The following COL4A6 variants were observed in gnomAD, a reference collection of about 807,000 sequenced individuals.
COL4A6 encodes collagen type IV alpha 6 chain.
COL4A6 carries 59 observed loss-of-function variants against 126.7 expected under a neutral mutation model. The observed-to-expected ratio is 0.47, with a 90% CI of 0.38 to 0.58. The LOEUF (loss-of-function observed/expected upper bound fraction) is 0.58. COL4A6 is among the 20% of genes least tolerant of loss of function. COL4A6 has a pLI of 0.00. For missense variants in COL4A6, 1,285 were observed against 1,337.3 expected (o/e 0.96, Z 0.61); for synonymous variants, 547 against 496.6 (o/e 1.10, Z -1.35).
At chrX:108,186,929 A>G in intron 23 of COL4A6, among the ~76,000 whole-genome samples, 167 bp downstream of exon 23, 1 of 111,600 alleles carries the variant, frequency 9.0e-6, no homozygotes, top group Non-Finnish European at 1.9e-5. Flanking sequence ...AGCTTACCAC[A>G]ATACAATTAT....
chrX:108,173,094 A>G (rs1201176220), intron 31 of COL4A6, among the ~76,000 whole-genome samples: 2 of 112,588 alleles, frequency 1.8e-5, no homozygotes, highest in Non-Finnish European at 3.8e-5. Flanking sequence ...CCAACACACT[A>G]TCTGAGTCTG....
chrX:108,192,694 C>T (rs1230405605), intron 17 of COL4A6, 114 bp from the exon 18 acceptor site: 1 of 501,156 alleles, frequency 2.0e-6, no homozygotes, highest in East Asian at 3.7e-5. Flanking sequence ...GCCTTTCATG[C>T]CTTTCCCAAG....
chrX:108,258,938 C>T (rs2037081302), intron 3 of COL4A6, among the ~76,000 whole-genome samples: 1 of 110,556 alleles, frequency 9.0e-6, no homozygotes, highest in African/African-American at 3.4e-5. Context: ...TCTATTGAAA[C>T]TGTGATGGCT....
chrX:108,221,780 T>C (rs934635867), intron 3 of COL4A6, among the ~76,000 whole-genome samples: 34 of 112,547 alleles, frequency 3.0e-4, no homozygotes, highest in African/African-American at 1.0e-3. Context: ...ACCATGTGCT[T>C]GCAGTGAAAT....
chrX:108,235,654 T>C, intron 3 of COL4A6, among the ~76,000 whole-genome samples: 1 of 111,608 alleles, frequency 9.0e-6, no homozygotes, highest in East Asian at 2.8e-4. Context: ...TTCTTCATCC[T>C]CTGTACCTTC....
chrX:108,186,358 A>G (rs1339880145), intron 23 of COL4A6, among the ~76,000 whole-genome samples: 1 of 111,891 alleles, frequency 8.9e-6, no homozygotes, highest in Non-Finnish European at 1.9e-5. Context: ...GCAATAAGAG[A>G]AGGAAAGAAT....
At position 108,225,021 on chromosome X, in the gene COL4A6, G is replaced by A. The variant is rs980770315; in HGVS notation, c.145-3647C>T. The stretch of plus-strand genomic sequence containing the variant: ...AAGGCCCTTAGAGACCATTCAATCC[G>A]GGCTTTATTTTATACATGGGGCGGG... On this transcript the variant is annotated intron_variant, in intron 3 of 44. Coordinates refer to ENST00000334504, the MANE Select transcript of COL4A6 (RefSeq NM_033641.4). Among the ~76,000 whole-genome samples the A allele has an allele frequency of 5.4e-5, 5 of 93,378 alleles. No individual in the cohort carries two copies. In the Admixed American group the frequency reaches 5.9e-4, roughly 11 times the overall value. 81.1% of individuals were successfully genotyped at this position (93,378 alleles called of 115,157 possible).
chrX:108,305,266 C>T (rs1358688748), intron 3 of COL4A6, among the ~76,000 whole-genome samples: 1 of 112,141 alleles, frequency 8.9e-6, no homozygotes, highest in Non-Finnish European at 1.9e-5. Flanking sequence ...ACCTGCAACA[C>T]ATTAAACAAC....
chrX:108,175,384 CT>C (rs1338640346), intron 29 of COL4A6, among the ~76,000 whole-genome samples, 169 bp from the exon 30 acceptor site: 1 of 111,456 alleles, frequency 9.0e-6, no homozygotes, highest in African/African-American at 3.3e-5. Context: ...ATGTCCTCTT[CT>C]ACAAATCCCA....
chrX:108,190,589 T>A, intron 19 of COL4A6, 93 bp from the exon 20 acceptor site: 1 of 503,320 alleles, frequency 2.0e-6, no homozygotes, highest in East Asian at 3.5e-5. Flanking sequence ...AAGGCCCAAG[T>A]CCTTGAGGCT....
chrX:108,380,433 G>A (rs960620758), intron 2 of COL4A6, among the ~76,000 whole-genome samples: 13 of 112,334 alleles, frequency 1.2e-4, no homozygotes, highest in African/African-American at 3.9e-4. Flanking sequence ...TGGCCTACGC[G>A]TTGTTTACTG....
chrX:108,262,589 G>C (rs1033515386), intron 3 of COL4A6, among the ~76,000 whole-genome samples: 1 of 111,767 alleles, frequency 8.9e-6, no homozygotes, highest in African/African-American at 3.2e-5. Flanking sequence ...AACTCTACCA[G>C]TCTCACCACT....
At chrX:108,354,803 C>T (rs1468183123) in intron 2 of COL4A6, among the ~76,000 whole-genome samples, 1 of 110,605 alleles carries the variant, frequency 9.0e-6, no homozygotes, top group Non-Finnish European at 1.9e-5. Context: ...AGGGAACCCA[C>T]CTTGAAGTCA....
At chrX:108,183,551 A>G (rs1461635784) in intron 23 of COL4A6, among the ~76,000 whole-genome samples, 1 of 111,640 alleles carries the variant, frequency 9.0e-6, no homozygotes, top group Non-Finnish European at 1.9e-5. Flanking sequence ...GGAGCCTCTG[A>G]AGCAGTGTTG....
intron 2 of COL4A6, among the ~76,000 whole-genome samples, chrX:108,348,263 A>G (rs1219425912): frequency 8.9e-6 from 1 of 112,128 alleles, no homozygotes; most frequent in Non-Finnish European, 1.9e-5. Flanking sequence ...ATTTCCGTGA[A>G]TATGAATAGA....
At chrX:108,202,864 C>G (rs2148196461) in intron 13 of COL4A6, 64 bp downstream of exon 13, 1 of 944,011 alleles carries the variant, frequency 1.1e-6, no homozygotes, top group East Asian at 3.1e-5. Context: ...TGTTAGCCTT[C>G]TATTGCTACA....
At chrX:108,371,669 A>G (rs1603180464) in intron 2 of COL4A6, among the ~76,000 whole-genome samples, 1 of 106,597 alleles carries the variant, frequency 9.4e-6, no homozygotes, top group East Asian at 2.9e-4. Context: ...AGGTGGGAGG[A>G]TTGCTTGGGC....
At chrX:108,224,434 C>T (rs1210098213) in intron 3 of COL4A6, among the ~76,000 whole-genome samples, 3 of 111,947 alleles carry the variant, frequency 2.7e-5, no homozygotes, top group Non-Finnish European at 3.8e-5. Context: ...GGTTGGCGGG[C>T]GTGCCAGCAG....
chrX:108,400,776 G>T (rs1164387805), intron 2 of COL4A6, among the ~76,000 whole-genome samples: 2 of 111,532 alleles, frequency 1.8e-5, no homozygotes, highest in Non-Finnish European at 3.8e-5. Flanking sequence ...ATATAGTAAT[G>T]AATTAAGCCT....
Sources: gnomAD v4.1 joint callset for allele counts (sites outside exome capture counted in the v4.1 genomes callset) on GRCh38, gnomAD v4.1.1 for gene constraint, MANE v1.5 for transcripts, NCBI Gene and HGNC (gene_info 2026-07-23, HGNC 2026-07-21) for gene names.